The following RORA variants were observed in gnomAD, a reference collection of about 807,000 sequenced individuals.
RORA encodes the protein nuclear receptor ROR-alpha.
A neutral mutation model predicts 69.5 loss-of-function variants in RORA; 7 were observed. That is an observed-to-expected ratio of 0.10 (90% CI 0.06 to 0.19). The LOEUF (loss-of-function observed/expected upper bound fraction) is 0.19. Among genes scored for constraint, RORA ranks in the 10% least tolerant of loss-of-function variants. The pLI, the probability that RORA is intolerant of heterozygous loss-of-function variation, is 1.00. For missense variants in RORA, 457 were observed against 663.0 expected (o/e 0.69, Z 3.41); for synonymous variants, 261 against 240.8 (o/e 1.08, Z -0.78).
intron 2 of RORA, among the ~76,000 whole-genome samples, chr15:60,539,988 G>T (rs1007335379): frequency 5.9e-5 from 9 of 152,014 alleles, no homozygotes; most frequent in Non-Finnish European, 1.5e-5. Context: ...CTCTCGGGGT[G>T]GGTTAAATGT....
At chr15:60,987,815 G>T (rs932184097) in intron 1 of RORA, among the ~76,000 whole-genome samples, 1 of 152,174 alleles carries the variant, frequency 6.6e-6, no homozygotes, top group African/African-American at 2.4e-5. Context: ...GTTACAGACA[G>T]GAAAACTGAG....
At chr15:60,798,023 C>G (rs2072522494) in intron 1 of RORA, among the ~76,000 whole-genome samples, 1 of 152,098 alleles carries the variant, frequency 6.6e-6, no homozygotes, top group Non-Finnish European at 1.5e-5. Flanking sequence ...CCCAACCCAC[C>G]AGGAAGATAA....
chr15:60,837,444 C>T (rs541090874), intron 1 of RORA, among the ~76,000 whole-genome samples: 79 of 152,346 alleles, frequency 5.2e-4, no homozygotes, highest in African/African-American at 1.5e-3. Flanking sequence ...TCAATCAATG[C>T]GCACGCAGCA....
At chr15:60,896,594 A>T (rs1290840462) in intron 1 of RORA, among the ~76,000 whole-genome samples, 1 of 152,164 alleles carries the variant, frequency 6.6e-6, no homozygotes, top group Non-Finnish European at 1.5e-5. Flanking sequence ...TCCCTTCCCA[A>T]TCTACCTTAT....
chr15:60,663,136 T>A (rs2070329276), intron 2 of RORA, among the ~76,000 whole-genome samples: 1 of 152,236 alleles, frequency 6.6e-6, no homozygotes, highest in Non-Finnish European at 1.5e-5. Flanking sequence ...TTCTGCCCAG[T>A]CCAGCTTCCC....
intron 1 of RORA, among the ~76,000 whole-genome samples, chr15:60,999,830 T>C (rs1311906253): frequency 3.9e-5 from 6 of 152,212 alleles, no homozygotes; most frequent in South Asian, 4.1e-4. Context: ...TTGAGGGCGA[T>C]GAAAACTGGC....
At chr15:60,929,269 C>T (rs1320612054) in intron 1 of RORA, among the ~76,000 whole-genome samples, 3 of 152,198 alleles carry the variant, frequency 2.0e-5, no homozygotes, top group Non-Finnish European at 1.5e-5. Context: ...CCAGGTCCCT[C>T]CTCCTCCAGC....
In RORA at chr15:60,679,818, C is replaced by A. The variant is rs146717566; in HGVS notation, c.167-1132G>T. On this transcript the variant is annotated intron_variant, in intron 1 of 10. Coordinates refer to ENST00000335670, the MANE Select transcript of RORA (RefSeq NM_134261.3). ...GACCAAAATCACACACTTGCTCCCC[C>A]CAACACTTTCCAAAGGACTTATTTA... Among the ~76,000 whole-genome samples, 57 of 152,266 alleles carry A rather than the reference C, an allele frequency of 3.7e-4. No individual in the cohort carries two copies. The East Asian group carries it at 8.3e-3, about 22-fold the overall frequency.
At chr15:61,219,447 C>T (rs866797854) in intron 1 of RORA, among the ~76,000 whole-genome samples, 1 of 152,152 alleles carries the variant, frequency 6.6e-6, no homozygotes, top group South Asian at 2.1e-4. Flanking sequence ...CGGTGGCTGG[C>T]GCCTATTGTT....
rs575279696 is a variant in RORA, at chr15:60,676,368, A to G, written c.196+2289T>C. On this transcript the variant is annotated intron_variant, in intron 2 of 10. Transcript: ENST00000335670. ...ACTAACATGTAACTTGGACAATTCA[A>G]TTTCTCCTTGGCATATGTAAAGTTT... Among the ~76,000 whole-genome samples the G allele has an allele frequency of 1.2e-3, 176 of 152,192 alleles. 1 individual carries two copies. Among genetic ancestry groups the G allele is most frequent in the Non-Finnish European group, 1.9e-3 (128 of 68,002 alleles).
chr15:60,941,396 G>A (rs146434210), intron 1 of RORA, among the ~76,000 whole-genome samples: 20 of 152,348 alleles, frequency 1.3e-4, no homozygotes, highest in African/African-American at 3.6e-4. Flanking sequence ...GGCGTCTCGC[G>A]ATTCCATTTA....
intron 2 of RORA, among the ~76,000 whole-genome samples, chr15:60,538,755 G>A (rs1396967825): frequency 6.6e-5 from 10 of 151,898 alleles, no homozygotes; most frequent in African/African-American, 2.2e-4. Flanking sequence ...GAAATGGCAC[G>A]ATTCCCACTT....
chr15:61,117,094 T>C (rs1425785751), intron 1 of RORA, among the ~76,000 whole-genome samples: 1 of 152,180 alleles, frequency 6.6e-6, no homozygotes, highest in Non-Finnish European at 1.5e-5. Context: ...TAATGTTAAG[T>C]CTGTTTCTCA....
At chr15:60,569,261 T>TAAAAAAAA (rs60382168) in intron 2 of RORA, among the ~76,000 whole-genome samples, 16 of 89,608 alleles carry the variant, frequency 1.8e-4, no homozygotes, top group South Asian at 7.3e-4. Flanking sequence ...TTTAAAAAAT[T>TAAAAAAAA]AAAAAAAAAA....
At chr15:60,763,332 TGGGTTAACC>T in intron 1 of RORA, among the ~76,000 whole-genome samples, 1 of 152,254 alleles carries the variant, frequency 6.6e-6, no homozygotes, top group East Asian at 1.9e-4. Flanking sequence ...AACATGGTCT[TGGGTTAACC>T]GGTCCTTGGA....
At chr15:60,665,861 G>T (rs2140726238) in intron 2 of RORA, among the ~76,000 whole-genome samples, 1 of 152,228 alleles carries the variant, frequency 6.6e-6, no homozygotes, top group South Asian at 2.1e-4. Context: ...TTTTAGTAAA[G>T]ACGGGGTTTC....
intron 1 of RORA, among the ~76,000 whole-genome samples, chr15:61,004,132 GA>G (rs1894834797): frequency 6.6e-6 from 1 of 152,118 alleles, no homozygotes; most frequent in Admixed American, 6.5e-5. Flanking sequence ...TTCAACTCTT[GA>G]AATCTTTGTC....
chr15:60,675,181 G>A (rs893521097), intron 2 of RORA, among the ~76,000 whole-genome samples: 2 of 152,236 alleles, frequency 1.3e-5, no homozygotes, highest in Non-Finnish European at 2.9e-5. Context: ...AGGAGTGAAT[G>A]ACTCGTTGTC....
chr15:60,594,625 C>A (rs930847666), intron 2 of RORA, among the ~76,000 whole-genome samples: 6 of 152,230 alleles, frequency 3.9e-5, no homozygotes, highest in Admixed American at 3.9e-4. Flanking sequence ...AATCTGACAT[C>A]ACTAGTAATC....
Sources: allele counts gnomAD v4.1 joint callset (sites outside exome capture counted in the v4.1 genomes callset), GRCh38; gene constraint gnomAD v4.1.1; transcripts MANE v1.5; gene names NCBI Gene and HGNC (gene_info 2026-07-23, HGNC 2026-07-21).